The following MECR variants were observed in gnomAD, a reference collection of about 807,000 sequenced individuals.
MECR encodes mitochondrial trans-2-enoyl-CoA reductase, also known as enoyl-[acyl-carrier-protein] reductase, mitochondrial.
MECR carries 37 observed loss-of-function variants against 49.1 expected under a neutral mutation model. The observed-to-expected ratio is 0.75, with a 90% CI of 0.58 to 0.99. The LOEUF is 0.99. MECR is among the 50% of genes least tolerant of loss of function. The pLI, the probability that MECR is intolerant of heterozygous loss-of-function variation, is 0.00. For synonymous variants in MECR, 198 were observed against 191.1 expected (o/e 1.04, Z -0.30); for missense variants, 470 against 479.6 (o/e 0.98, Z 0.19).
In MECR at chr1:29,230,891, T is replaced by C; in HGVS notation, c.16A>G (p.Thr6Ala). MWVCSTLWRVRTPARQ... is the reference protein window; with the variant it reads MWVCSALWRVRTPARQ... ...GCGGGGGTTCGCACCCGCCACAGGG[T>C]ACTGCAGACCCACATGCTCGCTCCA... Residue 6 changes from threonine to alanine, a missense_variant, in exon 1 of 10, where the codon ACC (threonine) becomes GCC (alanine). Transcript: ENST00000263702. 1 of 1,607,950 alleles carries C rather than the reference T, an allele frequency of 6.2e-7. No individual in the cohort carries two copies. Among genetic ancestry groups the C allele is most frequent in the Non-Finnish European group, 8.5e-7 (1 of 1,179,310 alleles).
At chr1:29,189,548 A>G (rs1479224321), downstream of MECR, among the ~76,000 whole-genome samples, 1 of 152,228 alleles carries the variant, frequency 6.6e-6, no homozygotes, top group Non-Finnish European at 1.5e-5. Context: ...GCACTTGTAA[A>G]GTAGAGAAGA....
At chr1:29,180,844 T>C in the MECR span, among the ~76,000 whole-genome samples, 1 of 152,192 alleles carries the variant, frequency 6.6e-6, no homozygotes, top group African/African-American at 2.4e-5. Flanking sequence ...GATCATACTC[T>C]GGGGGAGGCA....
rs1673315327 is a variant in MECR at position 29,193,816 on chromosome 1, C to T, written c.*206G>A. 1 of 599,586 alleles carries T rather than the reference C, an allele frequency of 1.7e-6. No homozygotes were observed. Among genetic ancestry groups the T allele is most frequent in the Non-Finnish European group, 2.9e-6 (1 of 344,990 alleles). 37.1% of individuals were successfully genotyped at this position (599,586 alleles called of 1,614,324 possible). A position where few individuals can be genotyped will look rare whatever the true frequency, so the allele number is the denominator to read the frequency against. Reference sequence around the variant, plus strand: ...TCCTTCTCGACAGGGATGACTTCTACTTTTTGGAAGGGAGAGTTCAGACTT... The same window carrying T: ...TCCTTCTCGACAGGGATGACTTCTATTTTTTGGAAGGGAGAGTTCAGACTT... On this transcript the variant is annotated 3_prime_UTR_variant, in exon 10 of 10. Transcript: ENST00000263702.
rs150587372 is a variant in MECR, at chr1:29,201,386, G to A, written c.756+557C>T. The stretch of plus-strand genomic sequence containing the variant: ...TCTGGTCACTTACTAGGCATGTTGT[G>A]GGGTGGAGGTTCTGGAAGGTTAAGA... On this transcript the variant is annotated intron_variant, in intron 6 of 9. Coordinates refer to ENST00000263702, the MANE Select transcript of MECR (RefSeq NM_016011.5). The surrounding 1 kb of genome is among the most constrained non-coding windows in gnomAD (Gnocchi z 4.3). The A allele has an allele frequency of 2.0e-3, 1,090 of 533,086 alleles. 13 individuals carry two copies. The highest frequency in any genetic ancestry group is 0.02 in the African/African-American group (1,021 of 52,078). The allele number at this position is 533,086 out of a possible 1,614,324, so 33.0% of individuals were successfully genotyped here.
In MECR at chr1:29,200,532, G is replaced by A; in HGVS notation, c.814C>T (p.Leu272=). ...GGGACTTACGCTAACTGCCGCAGCAGCTCTGTGGAGCTTTTCCCACCAACA... is the reference window on the plus strand; with the variant it reads ...GGGACTTACGCTAACTGCCGCAGCAACTCTGTGGAGCTTTTCCCACCAACA... ...NCVGGKSSTE[L]LRQLARGGTM... The change falls in exon 7 of 10, where the codon CTG becomes TTG. Residue 272 remains leucine, a synonymous_variant. Coordinates refer to ENST00000263702, the MANE Select transcript of MECR (RefSeq NM_016011.5). 1 of 1,613,710 alleles carries A rather than the reference G, an allele frequency of 6.2e-7. No homozygotes were observed. The highest frequency in any genetic ancestry group is 8.5e-7 in the Non-Finnish European group (1 of 1,179,618).
chr1:29,216,769 A>G (rs1679507145), intron 1 of MECR, 84 bp from the exon 2 acceptor site: 3 of 1,602,498 alleles, frequency 1.9e-6, no homozygotes, highest in Non-Finnish European at 1.7e-6. Flanking sequence ...AAAGTAGGTC[A>G]GGCAACATTT....
intron 3 of MECR, among the ~76,000 whole-genome samples, chr1:29,212,585 A>G (rs1028807936): frequency 4.6e-5 from 7 of 151,890 alleles, no homozygotes; most frequent in African/African-American, 1.7e-4. Flanking sequence ...TTAGCCCTTG[A>G]CTCCATGCCC....
chr1:29,199,293 T>A (rs1180580349), intron 7 of MECR, among the ~76,000 whole-genome samples: 1 of 152,206 alleles, frequency 6.6e-6, no homozygotes, highest in Non-Finnish European at 1.5e-5. Flanking sequence ...AGTGGCGCAA[T>A]CTCGGCCCAC....
At chr1:29,226,329 G>A (rs1682068107) in intron 1 of MECR, among the ~76,000 whole-genome samples, 1 of 152,136 alleles carries the variant, frequency 6.6e-6, no homozygotes, top group African/African-American at 2.4e-5. Context: ...AAAAGGGGAG[G>A]AGACAGAGAA....
At chr1:29,212,413 C>T (rs1678242328) in intron 3 of MECR, among the ~76,000 whole-genome samples, 1 of 152,200 alleles carries the variant, frequency 6.6e-6, no homozygotes, top group Admixed American at 6.5e-5. Context: ...GAGACTCTGT[C>T]TCAAAAGATA....
At chr1:29,189,124 G>C (rs1558397843), downstream of MECR, among the ~76,000 whole-genome samples, 1 of 151,950 alleles carries the variant, frequency 6.6e-6, no homozygotes, top group Non-Finnish European at 1.5e-5. Flanking sequence ...ATTTTTAGTA[G>C]AGACGGGGTT....
At chr1:29,181,830 A>AGCG in the MECR span, 30 of 1,248,008 alleles carry the variant, frequency 2.4e-5, no homozygotes, top group East Asian at 1.2e-4. Context: ...GCACGGCGGC[A>AGCG]GCGGCGGCGG....
chr1:29,218,489 CTGA>C lies in MECR; in HGVS notation c.177-1807_177-1805del, dbSNP rs372775910. ...TAGGCAACAGTATCACCCAACTAAG[CTGA>C]TGTAATTCCACCTACTTCCTGCAGA... On this transcript the variant is annotated intron_variant, in intron 1 of 9. Transcript: ENST00000263702. Among the ~76,000 whole-genome samples, 12 of 152,344 alleles carry C rather than the reference CTGA, an allele frequency of 7.9e-5. No individual in the cohort carries two copies. In the East Asian group the frequency reaches 2.3e-3, roughly 29 times the overall value.
chr1:29,210,068 T>G (rs1289451342), intron 3 of MECR, among the ~76,000 whole-genome samples: 1 of 151,386 alleles, frequency 6.6e-6, no homozygotes, highest in East Asian at 1.9e-4. Context: ...TGGAGTGCAG[T>G]GGCACGATCT....
intron 3 of MECR, among the ~76,000 whole-genome samples, chr1:29,209,180 T>C (rs1677335024): frequency 6.6e-6 from 1 of 152,140 alleles, no homozygotes; most frequent in South Asian, 2.1e-4. Context: ...TACATGAATG[T>C]ACGTGTAACA....
intron 1 of MECR, among the ~76,000 whole-genome samples, chr1:29,221,738 A>G (rs1211401573): frequency 6.6e-6 from 1 of 152,218 alleles, no homozygotes; most frequent in East Asian, 1.9e-4. Context: ...GAGAGTGCTC[A>G]GGGCTAGACA....
chr1:29,211,137 T>C (rs909507711), intron 3 of MECR, among the ~76,000 whole-genome samples: 35 of 150,376 alleles, frequency 2.3e-4, no homozygotes, highest in African/African-American at 8.3e-4. Context: ...GTTGCCCAGG[T>C]TGGAGTGTGG....
chr1:29,208,139 C>G (rs911524953), intron 3 of MECR, among the ~76,000 whole-genome samples: 3 of 152,092 alleles, frequency 2.0e-5, no homozygotes, highest in Admixed American at 6.6e-5. Context: ...ATTACAGGCA[C>G]CTGCCACCAC....
chr1:29,217,424 C>T (rs1292324196), intron 1 of MECR, among the ~76,000 whole-genome samples: 2 of 151,756 alleles, frequency 1.3e-5, no homozygotes, highest in Non-Finnish European at 2.9e-5. Context: ...ACTATGTTGG[C>T]CAGGCTGGTC....
Sources: allele counts gnomAD v4.1 joint callset (sites outside exome capture counted in the v4.1 genomes callset), GRCh38; gene constraint gnomAD v4.1.1; non-coding constraint Gnocchi (gnomAD v3.1); transcripts MANE v1.5; gene names NCBI Gene and HGNC (gene_info 2026-07-23, HGNC 2026-07-21).